CAMK2G: variants seen among roughly 807,000 people sequenced by gnomAD.
CAMK2G encodes calcium/calmodulin-dependent protein kinase type II subunit gamma.
CAMK2G carries 23 observed loss-of-function variants against 88.7 expected under a neutral mutation model. That is an observed-to-expected ratio of 0.26 (90% CI 0.19 to 0.37). The LOEUF is 0.37. Among genes scored for constraint, CAMK2G ranks in the 10% least tolerant of loss-of-function variants. The pLI is 1.00. For synonymous variants in CAMK2G, 263 were observed against 294.8 expected, an observed-to-expected ratio of 0.89 and a Z score of 1.11; for missense variants, 476 against 780.8, an observed-to-expected ratio of 0.61 and a Z score of 4.65.
rs775559914 is a variant in CAMK2G, at chr10:73,825,262, C to T, written c.1155+17G>A. 2 of 1,593,766 alleles carry T rather than the reference C, an allele frequency of 1.3e-6. No homozygotes were observed. Among genetic ancestry groups the T allele is most frequent in the East Asian group, 2.2e-5 (1 of 44,776 alleles). On this transcript the variant is annotated intron_variant, in intron 16 of 22. Coordinates refer to ENST00000423381, the MANE Select transcript of CAMK2G (RefSeq NM_001367534.1). ...GCAGCCAGGGTCAGAGGCGGAGAAG[C>T]TGTAGTCAGGAGGTACCATGGCCGT...
intron 21 of CAMK2G, among the ~76,000 whole-genome samples, chr10:73,815,680 A>G (rs2085224269): frequency 6.6e-6 from 1 of 152,228 alleles, no homozygotes; most frequent in Non-Finnish European, 1.5e-5. Flanking sequence ...TTTAGATTTC[A>G]TAAGGCTTGG....
chr10:73,845,873 C>A (rs1317495073), intron 10 of CAMK2G, among the ~76,000 whole-genome samples: 1 of 151,854 alleles, frequency 6.6e-6, no homozygotes, highest in Non-Finnish European at 1.5e-5. Flanking sequence ...CTGTCTCCAG[C>A]CCTTTTCTTT....
intron 15 of CAMK2G, among the ~76,000 whole-genome samples, chr10:73,827,086 T>C (rs1565228347): frequency 6.6e-6 from 1 of 152,178 alleles, no homozygotes. Context: ...CTGCCCTACC[T>C]GTAAATCCCA....
chr10:73,844,321 G>A (rs919455417), intron 10 of CAMK2G, among the ~76,000 whole-genome samples: 34 of 151,940 alleles, frequency 2.2e-4, no homozygotes, highest in African/African-American at 7.5e-4. Flanking sequence ...AAACTTCCGG[G>A]CTCAAGTGAT....
Position 73,842,269 on chromosome 10 carries a change from T to G in CAMK2G, c.904-58A>C. The G allele has an allele frequency of 6.8e-7, 1 of 1,462,732 alleles. No individual in the cohort carries two copies. The allele number at this position is 1,462,732 out of a possible 1,614,324, so 90.6% of individuals were successfully genotyped here. ...GAGACCCTAGAAAAGGGCAGGCTGG[T>G]CTCAGGCAAAGGCAGGTCCTGGCTA... On this transcript the variant is annotated intron_variant, in intron 11 of 22. Transcript: ENST00000423381. This position sits in a 1 kb window ranked among gnomAD's most constrained non-coding sequence, Gnocchi z 4.6.
chr10:73,854,704 TC>T (rs1413385779), intron 3 of CAMK2G, among the ~76,000 whole-genome samples: 1 of 152,142 alleles, frequency 6.6e-6, no homozygotes, highest in Admixed American at 6.5e-5. Context: ...CTTCCCTATG[TC>T]CCCTCCCCAC....
chr10:73,815,823 T>C, intron 21 of CAMK2G: 1 of 985,528 alleles, frequency 1.0e-6, no homozygotes, highest in Non-Finnish European at 1.2e-6. Flanking sequence ...CCCAGGATTC[T>C]CTGGGGAAAA....
At chr10:73,865,406 T>C (rs2095548836) in intron 2 of CAMK2G, among the ~76,000 whole-genome samples, 1 of 152,192 alleles carries the variant, frequency 6.6e-6, no homozygotes, top group Admixed American at 6.5e-5. Context: ...CTCTCCTCAA[T>C]GAACAGAGCA....
chr10:73,866,316 C>A (rs1382485296), intron 2 of CAMK2G, among the ~76,000 whole-genome samples: 2 of 152,126 alleles, frequency 1.3e-5, no homozygotes, highest in African/African-American at 4.8e-5. Context: ...CAAGCCTGCC[C>A]CTGAACCACC....
chr10:73,814,979 CT>C (rs2084947556), intron 22 of CAMK2G, 23 bp downstream of exon 22: 1 of 1,527,448 alleles, frequency 6.5e-7, no homozygotes, highest in Non-Finnish European at 9.0e-7. Context: ...CTTCCAGCCC[CT>C]CTCCCCCGTC....
chr10:73,847,176 C>T, intron 10 of CAMK2G, 49 bp downstream of exon 10: 1 of 1,602,354 alleles, frequency 6.2e-7, no homozygotes, highest in Non-Finnish European at 8.5e-7. Flanking sequence ...CGAGGGCACA[C>T]AGAAGGCTGA....
rs375005600 is a variant in CAMK2G, at chr10:73,842,589, G to A, written c.820-48C>T. The A allele has an allele frequency of 1.3e-4, 180 of 1,335,832 alleles. 1 individual carries two copies. Among genetic ancestry groups the A allele is most frequent in the Middle Eastern group, 1.8e-4 (1 of 5,564 alleles). 82.7% of individuals were successfully genotyped at this position (1,335,832 alleles called of 1,614,324 possible). A position where few individuals can be genotyped will look rare whatever the true frequency, so the allele number is the denominator to read the frequency against. ...ATGAGCCCCAGCCCAGATCCTCTGC[G>A]CCTCCCACAGTCCTGGCACCGATAC... On this transcript the variant is annotated intron_variant, in intron 10 of 22. Coordinates refer to ENST00000423381, the MANE Select transcript of CAMK2G (RefSeq NM_001367534.1). This position sits in a 1 kb window ranked among gnomAD's most constrained non-coding sequence, Gnocchi z 4.6.
At chr10:73,816,934 G>A in intron 21 of CAMK2G, 89 bp downstream of exon 21, 1 of 1,612,594 alleles carries the variant, frequency 6.2e-7, no homozygotes, top group Non-Finnish European at 8.5e-7. Flanking sequence ...AGGGAAAAGT[G>A]GGCAACTGGG....
intron 2 of CAMK2G, among the ~76,000 whole-genome samples, chr10:73,869,606 T>C (rs2095736473): frequency 6.6e-6 from 1 of 152,198 alleles, no homozygotes; most frequent in African/African-American, 2.4e-5. Context: ...ATTCATTTAA[T>C]GTGTATGTGG....
intron 14 of CAMK2G, among the ~76,000 whole-genome samples, chr10:73,836,591 TGGGGAGGGAAC>T (rs551274633): frequency 7.5e-4 from 112 of 150,320 alleles, no homozygotes; most frequent in Admixed American, 1.9e-3. Context: ...GAGGAGGGAG[TGGGGAGGGAAC>T]GGGGAGGGAA....
chr10:73,829,310 A>AT (rs2091927686), intron 14 of CAMK2G, among the ~76,000 whole-genome samples: 1 of 147,008 alleles, frequency 6.8e-6, no homozygotes. Context: ...TTATTTATTT[A>AT]TTTTTAGGGA....
intron 3 of CAMK2G, among the ~76,000 whole-genome samples, chr10:73,858,902 A>C (rs1211890955): frequency 6.6e-6 from 1 of 152,190 alleles, no homozygotes; most frequent in Non-Finnish European, 1.5e-5. Flanking sequence ...GTCCGTGGCC[A>C]ACCCATCCGT....
At chr10:73,853,324 C>A (rs2135173462) in intron 3 of CAMK2G, 78 bp from the exon 4 acceptor site, 4 of 1,306,938 alleles carry the variant, frequency 3.1e-6, no homozygotes, top group South Asian at 2.4e-5. Context: ...GCAGCCCCAC[C>A]CCTGCCCCAT....
At chr10:73,836,015 G>A (rs1376678162) in intron 14 of CAMK2G, among the ~76,000 whole-genome samples, 1 of 151,676 alleles carries the variant, frequency 6.6e-6, no homozygotes, top group African/African-American at 2.4e-5. Context: ...TTGTATTTTT[G>A]TAGAGACGGA....
Sources: allele counts gnomAD v4.1 joint callset (sites outside exome capture counted in the v4.1 genomes callset), GRCh38; gene constraint gnomAD v4.1.1; non-coding constraint Gnocchi (gnomAD v3.1); transcripts MANE v1.5; gene names NCBI Gene and HGNC (gene_info 2026-07-23, HGNC 2026-07-21).